The following FLRT1 variants were observed in gnomAD, a reference collection of about 807,000 sequenced individuals.
FLRT1 encodes the protein fibronectin leucine rich transmembrane protein 1.
FLRT1 carries 14 observed loss-of-function variants against 30.9 expected under a neutral mutation model. That is an observed-to-expected ratio of 0.45 (90% CI 0.30 to 0.71). The LOEUF is 0.71. Ranked by LOEUF, FLRT1 falls within the 30% of genes least tolerant of loss-of-function variation. The pLI is 0.08. For missense variants in FLRT1, 737 were observed against 949.2 expected (o/e 0.78, Z 2.94); for synonymous variants, 368 against 430.4 (o/e 0.85, Z 1.80).
intron 1 of FLRT1, among the ~76,000 whole-genome samples, chr11:64,041,199 TAAAAAAAAAAAAAAAAAAA>T (rs71045724): frequency 9.3e-5 from 2 of 21,600 alleles, no homozygotes; most frequent in African/African-American, 3.2e-4. Context: ...TAGCAAACTG[TAAAAAAAAAAAAAAAAAAA>T]AAAAAAAAAA....
chr11:64,044,625 C>T (rs1943550295), intron 1 of FLRT1, among the ~76,000 whole-genome samples: 1 of 152,062 alleles, frequency 6.6e-6, no homozygotes, highest in Non-Finnish European at 1.5e-5. Flanking sequence ...AGTCACTTGC[C>T]CAAGGTCACA....
intron 1 of FLRT1, among the ~76,000 whole-genome samples, chr11:64,081,354 A>G (rs1455874321): frequency 1.3e-5 from 2 of 152,062 alleles, no homozygotes; most frequent in Admixed American, 6.5e-5. Flanking sequence ...ATGACCATGA[A>G]CTCGCATATC....
At chr11:64,070,199 A>T (rs1310808321) in intron 1 of FLRT1, among the ~76,000 whole-genome samples, 3 of 152,078 alleles carry the variant, frequency 2.0e-5, no homozygotes, top group African/African-American at 4.8e-5. Flanking sequence ...GGCGACAGAG[A>T]TGTGAGGTGA....
chr11:64,036,845 G>A lies in FLRT1; in HGVS notation c.-1038+686G>A, dbSNP rs1649046733. Among the ~76,000 whole-genome samples, 1 of 152,144 alleles carries A rather than the reference G, an allele frequency of 6.6e-6. No individual in the cohort carries two copies. The highest frequency in any genetic ancestry group is 2.1e-4 in the South Asian group (1 of 4,828). On this transcript the variant is annotated intron_variant, in intron 1 of 2. Transcript: ENST00000682287. This position sits in a 1 kb window ranked among gnomAD's most constrained non-coding sequence, Gnocchi z 5.6. ...CCCCCAGCTCTCAAGACAAGGAGGC[G>A]GCCCGACCCGGCGGCGCACGCCCCT...
intron 1 of FLRT1, among the ~76,000 whole-genome samples, chr11:64,071,046 T>C (rs1944099877): frequency 1.3e-5 from 2 of 152,164 alleles, no homozygotes; most frequent in Admixed American, 1.3e-4. Flanking sequence ...TTTATTCTTC[T>C]CTGTGCACCT....
chr11:64,056,207 A>C (rs1316347400), intron 1 of FLRT1, among the ~76,000 whole-genome samples: 1 of 152,020 alleles, frequency 6.6e-6, no homozygotes, highest in Non-Finnish European at 1.5e-5. Context: ...GTCTTTGCCC[A>C]TTTGGCTTCC....
intron 1 of FLRT1, among the ~76,000 whole-genome samples, chr11:64,041,199 T>TAAAAAAA (rs71045724): frequency 0.019 from 403 of 21,598 alleles, 119 homozygotes; most frequent in African/African-American, 0.061. Context: ...TAGCAAACTG[T>TAAAAAAA]AAAAAAAAAA....
intron 2 of FLRT1, among the ~76,000 whole-genome samples, chr11:64,114,898 T>G (rs952682695): frequency 6.6e-6 from 1 of 152,066 alleles, no homozygotes; most frequent in African/African-American, 2.4e-5. Context: ...CCTGCAAGAG[T>G]AGCTTGCTCG....
At chr11:64,040,117 A>G (rs1943456755) in intron 1 of FLRT1, among the ~76,000 whole-genome samples, 1 of 152,238 alleles carries the variant, frequency 6.6e-6, no homozygotes, top group Non-Finnish European at 1.5e-5. Flanking sequence ...AAAAGTGGGG[A>G]ACAAAAGCAG....
intron 1 of FLRT1, among the ~76,000 whole-genome samples, chr11:64,040,757 T>A (rs1175779667): frequency 6.6e-6 from 1 of 152,068 alleles, no homozygotes; most frequent in South Asian, 2.1e-4. Context: ...ATGTTCCCGG[T>A]GCAGGGAAGT....
chr11:64,052,938 G>A (rs528835928), intron 1 of FLRT1, among the ~76,000 whole-genome samples: 4 of 152,312 alleles, frequency 2.6e-5, no homozygotes, highest in Middle Eastern at 3.4e-3. Flanking sequence ...TTGGCCTCAC[G>A]GTCAGGGCCA....
Position 64,067,632 on chromosome 11 carries a change from G to A in FLRT1, c.-1038+31473G>A, listed in dbSNP as rs1191637186. On this transcript the variant is annotated intron_variant, in intron 1 of 2. Transcript: ENST00000682287. This position sits in a 1 kb window ranked among gnomAD's most constrained non-coding sequence, Gnocchi z 4.6. ...ACGCACCAACATGCCCGTGGCCTCC[G>A]GTGCACACACAGGGTCCCCAAGCAG... is the stretch of plus-strand genomic sequence containing the variant. 2.0e-5 allele frequency among the ~76,000 whole-genome samples: 3 copies of A among 152,136 alleles called. No homozygotes were observed. The highest frequency in any genetic ancestry group is 1.9e-4 in the East Asian group (1 of 5,168).
At chr11:64,062,123 C>G (rs746318706) in intron 1 of FLRT1, among the ~76,000 whole-genome samples, 6 of 152,060 alleles carry the variant, frequency 3.9e-5, no homozygotes, top group Non-Finnish European at 7.4e-5. Flanking sequence ...ATGCCCCTCT[C>G]CTCCGCAAGG....
chr11:64,115,607 T>C (rs761751389), intron 2 of FLRT1, among the ~76,000 whole-genome samples: 26 of 152,222 alleles, frequency 1.7e-4, no homozygotes, highest in Non-Finnish European at 3.5e-4. Flanking sequence ...TGAAGCTCCC[T>C]GCTCTCCACT....
rs563985558 is a variant in FLRT1 at position 64,104,213 on chromosome 11, G to C, written c.-50+32G>C. The C allele has an allele frequency of 3.3e-5, 5 of 152,486 alleles. No homozygotes were observed. The South Asian group carries it at 1.0e-3, about 32-fold the overall frequency. The allele number at this position is 152,486 out of a possible 1,614,324, so 9.4% of individuals were successfully genotyped here. A position where few individuals can be genotyped will look rare whatever the true frequency, so the allele number is the denominator to read the frequency against. ...CCCAAGGACAAGGGAAGAGGGACGCGAATTCAGAAGGGCTCCAGGGTGGGC... is the reference window on the plus strand; with the variant it reads ...CCCAAGGACAAGGGAAGAGGGACGCCAATTCAGAAGGGCTCCAGGGTGGGC... On this transcript the variant is annotated intron_variant, in intron 2 of 2. Coordinates refer to ENST00000682287, the MANE Select transcript of FLRT1 (RefSeq NM_013280.5).
In FLRT1 at chr11:64,116,816, C is replaced by T. The variant is rs1030400423; in HGVS notation, c.549C>T (p.Phe183=). 6.2e-7 allele frequency: 1 copy of T among 1,613,348 alleles called. No homozygotes were observed. Among genetic ancestry groups the T allele is most frequent in the Non-Finnish European group, 8.5e-7 (1 of 1,180,028 alleles). The change falls in exon 3 of 3, where the codon TTC becomes TTT. Residue 183 remains phenylalanine (F), a synonymous_variant. Transcript: ENST00000682287. ...FADSKQLKLL[F]LSRNHLSSIP... is the part of the protein sequence containing the mutation. ...ACAGCAAACAGCTCAAGCTGCTCTTCCTGAGCCGGAACCACCTGAGCAGCA... is the reference window on the plus strand; with the variant it reads ...ACAGCAAACAGCTCAAGCTGCTCTTTCTGAGCCGGAACCACCTGAGCAGCA...
chr11:64,103,087 A>G (rs1304781248), intron 1 of FLRT1, 107 bp from the exon 2 acceptor site: 1 of 152,382 alleles, frequency 6.6e-6, no homozygotes, highest in Non-Finnish European at 1.5e-5. Context: ...AAAACAAAAA[A>G]ACAGGATCCA....
rs529623234 is a variant in FLRT1, at chr11:64,116,767, G to A, written c.500G>A (p.Ser167Asn). The A allele has an allele frequency of 1.4e-4, 219 of 1,613,628 alleles. 3 individuals are homozygous for A. The highest frequency in any genetic ancestry group is 1.2e-3 in the South Asian group (108 of 91,086). ...GATGACAACTCCGTGTCCACCGTCA[G>A]CATTGAGGAGGACGCCTTCGCCGAC... ...HLDDNSVSTVSIEEDAFADSK... is the reference protein window; with the variant it reads ...HLDDNSVSTVNIEEDAFADSK... The change falls in exon 3 of 3, where the codon AGC becomes AAC. Residue 167 changes from serine (S) to asparagine (N), a missense_variant. Ser to Asn is a conservative substitution (Grantham distance 46). Transcript: ENST00000682287.
At chr11:64,047,997 C>T (rs1344356095) in intron 1 of FLRT1, among the ~76,000 whole-genome samples, 4 of 152,174 alleles carry the variant, frequency 2.6e-5, no homozygotes, top group Non-Finnish European at 4.4e-5. Context: ...TCCCAGTGCC[C>T]TGTGTGCTGG....
Sources: gnomAD v4.1 joint callset for allele counts (sites outside exome capture counted in the v4.1 genomes callset) on GRCh38, gnomAD v4.1.1 for gene constraint, Gnocchi (gnomAD v3.1) non-coding constraint, MANE v1.5 for transcripts, NCBI Gene and HGNC (gene_info 2026-07-23, HGNC 2026-07-21) for gene names.